Variants in LIMS2 observed in about 807,000 individuals in gnomAD.
The protein encoded by LIMS2 is LIM zinc finger domain containing 2, also known as LIM and senescent cell antigen-like-containing domain protein 2.
A neutral mutation model predicts 45.3 loss-of-function variants in LIMS2; 30 were observed. The ratio of observed to expected loss-of-function variants is 0.66; its 90% CI spans 0.50 to 0.90. The LOEUF is 0.90. Ranked by LOEUF, LIMS2 falls within the 40% of genes least tolerant of loss-of-function variation. The pLI is 0.00. For missense variants in LIMS2, 485 were observed against 468.7 expected, an observed-to-expected ratio of 1.03 and a Z score of -0.32; for synonymous variants, 173 against 188.0, an observed-to-expected ratio of 0.92 and a Z score of 0.65.
chr2:127,668,696 A>AAAAC (rs1685141205), intron 1 of LIMS2, among the ~76,000 whole-genome samples: 1 of 112,856 alleles, frequency 8.9e-6, no homozygotes, highest in Non-Finnish European at 1.8e-5. Context: ...AAAAAAAAAA[A>AAAAC]AAAAAAAAAA....
chr2:127,657,622 C>A, intron 1 of LIMS2, 60 bp from the exon 2 acceptor site: 2 of 1,503,202 alleles, frequency 1.3e-6, no homozygotes, highest in Non-Finnish European at 9.0e-7. Flanking sequence ...ATGGGGCACA[C>A]GCGGGGGCCT....
upstream of LIMS2, among the ~76,000 whole-genome samples, chr2:127,676,950 C>A (rs958573230): frequency 2.6e-5 from 4 of 152,214 alleles, no homozygotes; most frequent in African/African-American, 9.7e-5. Context: ...CACATTCCTG[C>A]CTTTTAGCCC....
At chr2:127,658,400 TAAA>T (rs1416991724) in intron 1 of LIMS2, among the ~76,000 whole-genome samples, 1 of 151,854 alleles carries the variant, frequency 6.6e-6, no homozygotes, top group Non-Finnish European at 1.5e-5. Context: ...AAAAAATAAA[TAAA>T]AAAGACAAGA....
At chr2:127,641,971 G>A (rs1682457890) in intron 6 of LIMS2, 78 bp downstream of exon 6, 1 of 1,489,048 alleles carries the variant, frequency 6.7e-7, no homozygotes, top group African/African-American at 1.4e-5. Flanking sequence ...GAGTGTGGAG[G>A]AGCTTTAGGG....
At chr2:127,639,535 C>A in intron 9 of LIMS2, 107 bp from the exon 10 acceptor site, 1 of 1,379,048 alleles carries the variant, frequency 7.3e-7, no homozygotes, top group Non-Finnish European at 1.0e-6. Context: ...CCCACACCAG[C>A]CTCTCCTAGC....
chr2:127,642,804 G>A lies in LIMS2; in HGVS notation c.509+119C>T. 1 of 1,170,788 alleles carries A rather than the reference G, an allele frequency of 8.5e-7. No individual in the cohort carries two copies. The highest frequency in any genetic ancestry group is 1.2e-6 in the Non-Finnish European group (1 of 843,978). The allele number at this position is 1,170,788 out of a possible 1,614,324, so 72.5% of individuals were successfully genotyped here. ...CCTTGCTCTCGGGACCCCTCTGTCT[G>A]CCCACCCTGCTCCCCTCTCCCTCCT... On this transcript the variant is annotated intron_variant, in intron 5 of 9. Transcript: ENST00000355119. The surrounding 1 kb of genome is among the most constrained non-coding windows in gnomAD (Gnocchi z 5.3).
chr2:127,674,602 C>T, intron 1 of LIMS2: 1 of 981,362 alleles, frequency 1.0e-6, no homozygotes, highest in Non-Finnish European at 1.2e-6. Context: ...AAACGGAAGG[C>T]TCCAGAGATG....
chr2:127,655,107 G>A (rs572788547), intron 2 of LIMS2: 76 of 628,792 alleles, frequency 1.2e-4, no homozygotes, highest in Non-Finnish European at 2.1e-4. Context: ...TGCCCCCGTG[G>A]AAGCTGGAGA....
intron 4 of LIMS2, chr2:127,645,975 G>T (rs757730339): frequency 6.6e-6 from 1 of 151,298 alleles, no homozygotes; most frequent in Non-Finnish European, 1.5e-5. Flanking sequence ...GCTGGGGGCG[G>T]GGGGCATGGG....
intron 4 of LIMS2, chr2:127,652,050 G>A (rs1277485193): frequency 4.8e-6 from 2 of 412,708 alleles, no homozygotes; most frequent in East Asian, 7.9e-5. Context: ...GAACAATGGA[G>A]GCCTTTCTTT....
intron 4 of LIMS2, chr2:127,650,609 A>T: frequency 1.3e-6 from 1 of 766,500 alleles, no homozygotes; most frequent in Non-Finnish European, 2.1e-6. Context: ...GCTGAGCTTG[A>T]AAGTGGGAGG....
intron 1 of LIMS2, chr2:127,673,866 TC>T: frequency 1.2e-6 from 1 of 802,216 alleles, no homozygotes; most frequent in Admixed American, 2.1e-5. Flanking sequence ...GATGCCACTC[TC>T]CGGGGGATGA....
At chr2:127,654,753 C>G (rs909248968) in intron 3 of LIMS2, 77 bp downstream of exon 3, 2 of 1,512,916 alleles carry the variant, frequency 1.3e-6, no homozygotes, top group Admixed American at 1.7e-5. Context: ...GTTCTGTGTA[C>G]CCCCTCGGCC....
intron 4 of LIMS2, chr2:127,652,127 C>T: frequency 3.6e-6 from 1 of 275,494 alleles, no homozygotes. Flanking sequence ...CAGAAAGACC[C>T]TGAAGGCAGG....
intron 1 of LIMS2, among the ~76,000 whole-genome samples, chr2:127,659,473 C>T (rs979694072): frequency 2.0e-5 from 3 of 152,056 alleles, no homozygotes; most frequent in Non-Finnish European, 4.4e-5. Context: ...GGAGCCTGGC[C>T]GCCCCAAGCC....
At chr2:127,674,731 G>GC (rs1685427318) in intron 1 of LIMS2, 1 of 985,424 alleles carries the variant, frequency 1.0e-6, no homozygotes, top group African/African-American at 1.7e-5. Context: ...CCCTCCCGCA[G>GC]CCCTGGGCGT....
Position 127,639,210 on chromosome 2 carries a change from G to T in LIMS2, c.*71C>A. On this transcript the variant is annotated 3_prime_UTR_variant, in exon 10 of 10. Transcript: ENST00000355119. The stretch of plus-strand genomic sequence containing the variant: ...GCGGAGGGCACAGGTGGATGGGGAC[G>T]AGGGGGCCAAGCATGGACAGCAGGA... The T allele has an allele frequency of 6.5e-7, 1 of 1,539,634 alleles. No individual in the cohort carries two copies. The highest frequency in any genetic ancestry group is 8.9e-7 in the Non-Finnish European group (1 of 1,126,666).
intron 1 of LIMS2, among the ~76,000 whole-genome samples, chr2:127,673,333 T>C (rs535662452): frequency 1.3e-5 from 2 of 152,312 alleles, no homozygotes; most frequent in East Asian, 3.9e-4. Flanking sequence ...CCTTATTCTC[T>C]AAGACGAGTA....
chr2:127,662,316 A>G (rs1670629727), intron 1 of LIMS2, among the ~76,000 whole-genome samples: 1 of 152,066 alleles, frequency 6.6e-6, no homozygotes, highest in African/African-American at 2.4e-5. Context: ...GTCCTCACTG[A>G]GCACCTGCAC....
Sources: gnomAD v4.1 joint callset for allele counts (sites outside exome capture counted in the v4.1 genomes callset) on GRCh38, gnomAD v4.1.1 for gene constraint, Gnocchi (gnomAD v3.1) non-coding constraint, MANE v1.5 for transcripts, NCBI Gene and HGNC (gene_info 2026-07-23, HGNC 2026-07-21) for gene names.